ALG1L2: variants seen among roughly 807,000 people sequenced by gnomAD.
ALG1L2 encodes ALG1 chitobiosyldiphosphodolichol beta-mannosyltransferase like 2, also known as putative glycosyltransferase ALG1L2.
ALG1L2 carries 32 observed loss-of-function variants against 29.0 expected under a neutral mutation model. That is an observed-to-expected ratio of 1.10 (90% CI 0.83 to 1.48). The LOEUF (loss-of-function observed/expected upper bound fraction) is 1.48, where lower values mean the gene tolerates loss of function less well. Among genes scored for constraint, ALG1L2 ranks in the 40% most tolerant of loss-of-function variants. The probability of loss-of-function intolerance (pLI) is 0.00; values close to 1 mark genes in which losing one functional copy is unlikely to be tolerated. For synonymous variants in ALG1L2, 110 were observed against 109.5 expected (o/e 1.00, Z -0.03); for missense variants, 318 against 274.1 (o/e 1.16, Z -1.13).
intron 1 of ALG1L2, among the ~76,000 whole-genome samples, chr3:130,083,379 G>A (rs1934827402): frequency 7.7e-6 from 1 of 129,242 alleles, no homozygotes; most frequent in Non-Finnish European, 1.8e-5. Flanking sequence ...GGGAGGCAGA[G>A]GTTGCAGTGA....
chr3:130,086,478 G>A (rs1365614110), intron 1 of ALG1L2, among the ~76,000 whole-genome samples: 1 of 148,206 alleles, frequency 6.7e-6, no homozygotes, highest in African/African-American at 2.6e-5. Flanking sequence ...ATCAGCCTGG[G>A]CAACAAAGTG....
chr3:130,094,622 G>A (rs528148367), intron 5 of ALG1L2, 109 bp downstream of exon 5: 463 of 1,225,124 alleles, frequency 3.8e-4, no homozygotes, highest in Non-Finnish European at 4.8e-4. Context: ...GCCACTTGGG[G>A]ACAGGACCTG....
chr3:130,085,124 A>C lies in ALG1L2; in HGVS notation c.20+3088A>C, dbSNP rs568191465. On this transcript the variant is annotated intron_variant, in intron 1 of 7. Transcript: ENST00000425059. ...CAGGTGCCCACCACTGTGCCCAACT[A>C]ATTTTTTTGTATTTTTAGTAGAGAC... Among the ~76,000 whole-genome samples, 28 of 126,646 alleles carry C rather than the reference A, an allele frequency of 2.2e-4. 6 individuals carry two copies. In the South Asian group the frequency reaches 5.9e-3, roughly 27 times the overall value. The allele number at this position is 126,646 out of a possible 152,430, so 83.1% of individuals were successfully genotyped here.
rs371073666 is a variant in ALG1L2, at chr3:130,091,019, A to C, written c.21-242A>C. On this transcript the variant is annotated intron_variant, in intron 1 of 7. Coordinates refer to ENST00000425059, the MANE Select transcript of ALG1L2 (RefSeq NM_001136152.1). ...CACAGTCTGGTTTTATCTTAGACCT[A>C]GCCTGGTGCAATCCATGTTGTGTAT... The C allele has an allele frequency of 6.0e-4, 307 of 508,162 alleles. 6 individuals are homozygous for C. The highest frequency in any genetic ancestry group is 5.7e-3 in the South Asian group (275 of 48,568). The allele number at this position is 508,162 out of a possible 1,614,324, so 31.5% of individuals were successfully genotyped here.
chr3:130,084,447 G>A (rs1376905156), intron 1 of ALG1L2, among the ~76,000 whole-genome samples: 1 of 145,176 alleles, frequency 6.9e-6, no homozygotes, highest in Non-Finnish European at 1.6e-5. Flanking sequence ...CCTAGAGTGG[G>A]GTTTTATTAT....
chr3:130,096,994 C>A (rs1935150788), intron 6 of ALG1L2, among the ~76,000 whole-genome samples, 181 bp from the exon 7 acceptor site: 1 of 120,922 alleles, frequency 8.3e-6, no homozygotes, highest in Non-Finnish European at 1.7e-5. Context: ...TTGATGTGCA[C>A]CCCCCCCAGG....
At position 130,094,533 on chromosome 3, in the gene ALG1L2, C is replaced by G. The variant is rs764441900; in HGVS notation, c.424+20C>G. ...TTCTAGGTGAGAGGCCAGCAGGAGG[C>G]TCAGGGAGGAGGCGGGGCCTTATGC... On this transcript the variant is annotated intron_variant, in intron 5 of 7. Transcript: ENST00000425059. 18 of 1,578,224 alleles carry G rather than the reference C, an allele frequency of 1.1e-5. No individual in the cohort carries two copies. Among genetic ancestry groups the G allele is most frequent in the Non-Finnish European group, 1.5e-5 (18 of 1,165,136 alleles).
intron 1 of ALG1L2, among the ~76,000 whole-genome samples, chr3:130,090,162 C>T (rs1193127499): frequency 6.6e-6 from 1 of 152,284 alleles, no homozygotes; most frequent in Non-Finnish European, 1.5e-5. Flanking sequence ...TCGAGACCAG[C>T]CTGGCCAACA....
intron 2 of ALG1L2, 58 bp downstream of exon 2, chr3:130,091,429 C>T: frequency 6.6e-7 from 1 of 1,525,054 alleles, no homozygotes; most frequent in East Asian, 2.3e-5. Flanking sequence ...TGGCCTCTCC[C>T]CTTCTCACTG....
chr3:130,082,799 G>T (rs896554474), intron 1 of ALG1L2, among the ~76,000 whole-genome samples: 2 of 146,932 alleles, frequency 1.4e-5, no homozygotes, highest in African/African-American at 4.9e-5. Context: ...CGCAGTGCAT[G>T]GGAGCCCAGC....
At chr3:130,085,762 C>T (rs80040198) in intron 1 of ALG1L2, among the ~76,000 whole-genome samples, 29,989 of 128,514 alleles carry the variant, frequency 0.23, 1,107 homozygotes, top group Admixed American at 0.27. Flanking sequence ...ACGACCTCCA[C>T]GAGTTGTTTT....
chr3:130,084,305 A>T (rs975123062), intron 1 of ALG1L2, among the ~76,000 whole-genome samples: 2 of 148,848 alleles, frequency 1.3e-5, no homozygotes, highest in African/African-American at 4.8e-5. Context: ...CCCTCAAAAA[A>T]AATTAATAAA....
In ALG1L2 at chr3:130,087,277, C is replaced by T. The variant is rs1345346771; in HGVS notation, c.21-3984C>T. 2.0e-5 allele frequency among the ~76,000 whole-genome samples: 3 copies of T among 150,524 alleles called. No individual in the cohort carries two copies. The East Asian group carries it at 5.8e-4, about 29-fold the overall frequency. On this transcript the variant is annotated intron_variant, in intron 1 of 7. Transcript: ENST00000425059. Reference sequence around the variant, plus strand: ...CCCCAAATGCATAAGAATATCACCGCCAAGAAACATCAGCCAAATCCAAAG... The same window carrying T: ...CCCCAAATGCATAAGAATATCACCGTCAAGAAACATCAGCCAAATCCAAAG...
Position 130,094,696 on chromosome 3 carries a change from G to T in ALG1L2, c.424+183G>T, listed in dbSNP as rs575136653. 1.1e-4 allele frequency among the ~76,000 whole-genome samples: 17 copies of T among 152,302 alleles called. No homozygotes were observed. In the East Asian group the frequency reaches 3.3e-3, roughly 29 times the overall value. ...TGTGCCAGCCCCTCCCTGCCAGGTG[G>T]CCCCAGAGGCCCTTTACCAAGGGGT... On this transcript the variant is annotated intron_variant, in intron 5 of 7. Transcript: ENST00000425059.
At position 130,092,007 on chromosome 3, in the gene ALG1L2, G is replaced by C; in HGVS notation, c.132-94G>C. 3.2e-6 allele frequency: 5 copies of C among 1,569,834 alleles called. No homozygotes were observed. In the South Asian group the frequency reaches 5.8e-5, roughly 18 times the overall value. On this transcript the variant is annotated intron_variant, in intron 2 of 7. Coordinates refer to ENST00000425059, the MANE Select transcript of ALG1L2 (RefSeq NM_001136152.1). Reference sequence around the variant, plus strand: ...GATGCAGCCGGGCACCCCAACCGTTGGGAGCCTGCAGGCCTCACCATGGCA... The same window carrying C: ...GATGCAGCCGGGCACCCCAACCGTTCGGAGCCTGCAGGCCTCACCATGGCA...
Position 130,091,340 on chromosome 3 carries a change from C to G in ALG1L2, c.100C>G (p.Leu34Val). The change falls in exon 2 of 8, where the codon CTG (leucine) becomes GTG (valine). Residue 34 changes from leucine to valine, a missense_variant. By Grantham distance (32) the Leu-to-Val change is conservative (BLOSUM62 1). Coordinates refer to ENST00000425059, the MANE Select transcript of ALG1L2 (RefSeq NM_001136152.1). ...CCTGCAGCACCGGCTCTTCATGAAG[C>G]TGGGCAGCACGCACTCTCCGTTCAG... ...LDLQHRLFMK[L>V]GSTHSPFRAR... The G allele has an allele frequency of 6.3e-7, 1 of 1,597,656 alleles. No homozygotes were observed.
chr3:130,093,854 G>C (rs1559788033), intron 4 of ALG1L2: 2 of 165,814 alleles, frequency 1.2e-5, no homozygotes, highest in Non-Finnish European at 1.3e-5. Context: ...TGTGGGAAGA[G>C]GCGGGGTCTG....
At chr3:130,094,152 C>G (rs1935079289) in intron 4 of ALG1L2, 2 of 531,240 alleles carry the variant, frequency 3.8e-6, no homozygotes, top group Non-Finnish European at 3.4e-6. Flanking sequence ...GCTTACCCCG[C>G]CTTGTTTGCA....
At chr3:130,088,043 T>C in intron 1 of ALG1L2, among the ~76,000 whole-genome samples, 1 of 152,308 alleles carries the variant, frequency 6.6e-6, no homozygotes, top group East Asian at 1.9e-4. Context: ...CCCCCATGTC[T>C]GCTTGTTTTG....
Sources: gnomAD v4.1 joint callset for allele counts (sites outside exome capture counted in the v4.1 genomes callset) on GRCh38, gnomAD v4.1.1 for gene constraint, MANE v1.5 for transcripts, NCBI Gene and HGNC (gene_info 2026-07-23, HGNC 2026-07-21) for gene names.